Variants in SETBP1 observed in about 807,000 individuals in gnomAD.
SETBP1 encodes SET binding protein 1, also known as SET-binding protein.
A neutral mutation model predicts 101.0 loss-of-function variants in SETBP1; 9 were observed. The observed-to-expected ratio is 0.09, with a 90% CI of 0.05 to 0.16. SETBP1 has a LOEUF of 0.16. SETBP1 is among the 10% of genes least tolerant of loss of function. The probability of loss-of-function intolerance (pLI) is 1.00; values close to 1 mark genes in which losing one functional copy is unlikely to be tolerated. For missense variants in SETBP1, 1,858 were observed against 2,033.8 expected (o/e 0.91, Z 1.66); for synonymous variants, 818 against 788.5 (o/e 1.04, Z -0.63).
intron 4 of SETBP1, among the ~76,000 whole-genome samples, chr18:44,991,415 T>C (rs1239849615): frequency 1.3e-5 from 2 of 151,908 alleles, no homozygotes; most frequent in Admixed American, 6.6e-5. Flanking sequence ...ACCTAAAATA[T>C]ATGGAAATAT....
intron 4 of SETBP1, among the ~76,000 whole-genome samples, chr18:44,976,837 T>C (rs924680787): frequency 1.7e-4 from 26 of 152,200 alleles, no homozygotes; most frequent in African/African-American, 6.0e-4. Context: ...GCTGAGAACA[T>C]AGCCTGGCAT....
intron 2 of SETBP1, among the ~76,000 whole-genome samples, chr18:44,868,841 T>C (rs779156272): frequency 6.6e-6 from 1 of 152,132 alleles, no homozygotes; most frequent in African/African-American, 2.4e-5. Flanking sequence ...ACCACTTTGA[T>C]AGCAGGAAGA....
intron 3 of SETBP1, among the ~76,000 whole-genome samples, chr18:44,895,847 C>CT (rs988052916): frequency 6.6e-6 from 1 of 152,078 alleles, no homozygotes; most frequent in Non-Finnish European, 1.5e-5. Context: ...AAAAATGACA[C>CT]TTTTTTTGCA....
chr18:44,811,062 T>C (rs1005768268), intron 2 of SETBP1, among the ~76,000 whole-genome samples: 1 of 152,222 alleles, frequency 6.6e-6, no homozygotes, highest in Non-Finnish European at 1.5e-5. Context: ...CTGTTTGATC[T>C]AAGAGTCAGG....
In SETBP1 at chr18:44,951,383, C is replaced by T; in HGVS notation, c.2043C>T (p.Ile681=). 6.2e-7 allele frequency: 1 copy of T among 1,614,128 alleles called. No individual in the cohort carries two copies. Among genetic ancestry groups the T allele is most frequent in the Non-Finnish European group, 8.5e-7 (1 of 1,180,040 alleles). ...TLKRKNILNQ[I]LSCSSSVALK... ...AGAGGAAAAACATCTTGAATCAGAT[C>T]TTGTCCTGTTCCAGCAGCGTTGCTC... Residue 681 remains isoleucine, a synonymous_variant, in exon 4 of 6, where the codon ATC becomes ATT. Coordinates refer to ENST00000649279, the MANE Select transcript of SETBP1 (RefSeq NM_015559.3). This position sits in a 1 kb window ranked among gnomAD's most constrained non-coding sequence, Gnocchi z 7.8.
chr18:44,734,453 G>T (rs530228670), intron 2 of SETBP1, among the ~76,000 whole-genome samples: 42 of 152,226 alleles, frequency 2.8e-4, no homozygotes, highest in South Asian at 2.5e-3. Flanking sequence ...GACATAAAAA[G>T]AAAGTGAAAA....
chr18:44,967,517 C>A (rs1287779078), intron 4 of SETBP1, among the ~76,000 whole-genome samples: 1 of 152,160 alleles, frequency 6.6e-6, no homozygotes, highest in Non-Finnish European at 1.5e-5. Context: ...CTTCTTATGT[C>A]AGAAGTCAAG....
intron 2 of SETBP1, among the ~76,000 whole-genome samples, chr18:44,762,735 C>G (rs1483642503): frequency 1.3e-5 from 2 of 152,170 alleles, no homozygotes; most frequent in Non-Finnish European, 2.9e-5. Context: ...TTAACAGTTC[C>G]GTCACCATCA....
At chr18:44,779,688 C>T (rs951281921) in intron 2 of SETBP1, among the ~76,000 whole-genome samples, 4 of 151,992 alleles carry the variant, frequency 2.6e-5, no homozygotes, top group African/African-American at 9.7e-5. Flanking sequence ...CAAAGGGAGG[C>T]CTTGAGAAAA....
At chr18:44,857,877 T>C (rs1449869812) in intron 2 of SETBP1, among the ~76,000 whole-genome samples, 1 of 152,182 alleles carries the variant, frequency 6.6e-6, no homozygotes, top group Non-Finnish European at 1.5e-5. Context: ...AAAACCTTCA[T>C]TTCCAGATAC....
At chr18:44,945,256 C>G (rs570351172) in intron 3 of SETBP1, among the ~76,000 whole-genome samples, 92 of 152,258 alleles carry the variant, frequency 6.0e-4, no homozygotes, top group African/African-American at 2.1e-3. Flanking sequence ...TACCCAGAAT[C>G]TACAAAGAAC....
rs1463245887 is a variant in SETBP1 at position 44,950,250 on chromosome 18, A to C, written c.910A>C (p.Ser304Arg). 1 of 1,614,038 alleles carries C rather than the reference A, an allele frequency of 6.2e-7. No individual in the cohort carries two copies. The highest frequency in any genetic ancestry group is 1.7e-5 in the Admixed American group (1 of 60,028). The change falls in exon 4 of 6, where the codon AGC becomes CGC. Residue 304 changes from serine (S) to arginine (R), a missense_variant. Physicochemically the swap from Ser to Arg is moderately radical, Grantham distance 110. Coordinates refer to ENST00000649279, the MANE Select transcript of SETBP1 (RefSeq NM_015559.3). ...CCACAGCTCACCAGCCCCACCCAGC[A>C]GCTCTGCTGAGTGCAACGGGCTTCA... is the stretch of plus-strand genomic sequence containing the variant. ...SSHSSPAPPS[S>R]SAECNGLQPL...
In SETBP1 at chr18:44,939,090, G is replaced by A. The variant is rs563429230; in HGVS notation, c.541-10791G>A. On this transcript the variant is annotated intron_variant, in intron 3 of 5. Coordinates refer to ENST00000649279, the MANE Select transcript of SETBP1 (RefSeq NM_015559.3). The stretch of plus-strand genomic sequence containing the variant: ...TATTTTAACATGATTGAGGTTAAAT[G>A]TACATATACTGAAATGTACAGATCT... Among the ~76,000 whole-genome samples the A allele has an allele frequency of 3.9e-5, 6 of 152,100 alleles. No individual in the cohort carries two copies. In the South Asian group the frequency reaches 1.2e-3, roughly 32 times the overall value.
At chr18:44,802,879 A>G (rs992737905) in intron 2 of SETBP1, among the ~76,000 whole-genome samples, 1 of 151,994 alleles carries the variant, frequency 6.6e-6, no homozygotes, top group Non-Finnish European at 1.5e-5. Context: ...CCAAGAACCA[A>G]GCTTTTTGTT....
chr18:44,913,350 C>T (rs574911839), intron 3 of SETBP1, among the ~76,000 whole-genome samples: 1 of 152,328 alleles, frequency 6.6e-6, no homozygotes, highest in South Asian at 2.1e-4. Context: ...GTCTGTCCTT[C>T]TGCTCTGCCA....
chr18:45,038,518 C>T lies in SETBP1; in HGVS notation c.4034C>T (p.Thr1345Ile). 2 of 1,614,156 alleles carry T rather than the reference C, an allele frequency of 1.2e-6. No individual in the cohort carries two copies. Among genetic ancestry groups the T allele is most frequent in the Non-Finnish European group, 1.7e-6 (2 of 1,180,026 alleles). The change falls in exon 5 of 6, where the codon ACA becomes ATA. Residue 1345 changes from threonine to isoleucine, a missense_variant. Thr to Ile is a moderately conservative substitution (Grantham distance 89). Transcript: ENST00000649279. ...MPSPHLKVDQ[T>I]AVHSKNEGSV... ...AGTCCCCACTTAAAAGTGGACCAGA[C>T]AGCAGTGCATAGTAAGAACGAAGGC...
At chr18:44,807,470 T>TTTTG (rs760977051) in intron 2 of SETBP1, among the ~76,000 whole-genome samples, 19 of 152,266 alleles carry the variant, frequency 1.2e-4, no homozygotes, top group East Asian at 1.2e-3. Context: ...GTGCTGGATT[T>TTTTG]TTTGTTTGTT....
chr18:44,705,895 A>G (rs1402292263), intron 2 of SETBP1, among the ~76,000 whole-genome samples: 1 of 152,198 alleles, frequency 6.6e-6, no homozygotes, highest in Non-Finnish European at 1.5e-5. Context: ...CCATGGAAGT[A>G]CTACCTCCCT....
intron 2 of SETBP1, among the ~76,000 whole-genome samples, chr18:44,750,718 A>G (rs750882807): frequency 2.0e-5 from 3 of 152,182 alleles, no homozygotes; most frequent in Non-Finnish European, 4.4e-5. Flanking sequence ...CTGCTCTTTC[A>G]GAGTTCTGCT....
Sources: gnomAD v4.1 joint callset for allele counts (sites outside exome capture counted in the v4.1 genomes callset) on GRCh38, gnomAD v4.1.1 for gene constraint, Gnocchi (gnomAD v3.1) non-coding constraint, MANE v1.5 for transcripts, NCBI Gene and HGNC (gene_info 2026-07-23, HGNC 2026-07-21) for gene names.